Variants in TXNDC16 observed in about 807,000 individuals in gnomAD.
The protein encoded by TXNDC16 is thioredoxin domain containing 16, also known as thioredoxin domain-containing protein 16.
Under a neutral mutation model 85.6 loss-of-function variants are expected in TXNDC16, and 74 were observed. The observed-to-expected ratio is 0.86, with a 90% confidence interval of 0.72 to 1.05. The LOEUF is 1.05. TXNDC16 is among the 50% of genes least tolerant of loss of function. The probability of loss-of-function intolerance (pLI) is 0.00; values close to 1 mark genes in which losing one functional copy is unlikely to be tolerated. For missense variants in TXNDC16, 959 were observed against 947.0 expected (o/e 1.01, Z -0.17); for synonymous variants, 335 against 326.5 (o/e 1.03, Z -0.28).
intron 14 of TXNDC16, among the ~76,000 whole-genome samples, chr14:52,479,526 A>G (rs1470635650): frequency 2.0e-5 from 3 of 152,072 alleles, no homozygotes; most frequent in African/African-American, 7.2e-5. Context: ...ACAGCGACCA[A>G]GCTGAGAATC....
At chr14:52,512,986 G>A (rs886319427) in intron 8 of TXNDC16, among the ~76,000 whole-genome samples, 2 of 152,094 alleles carry the variant, frequency 1.3e-5, no homozygotes, top group Admixed American at 6.6e-5. Context: ...TAAGCCAGTG[G>A]ACTGGCGGGC....
intron 9 of TXNDC16, among the ~76,000 whole-genome samples, chr14:52,502,489 T>A (rs916408255): frequency 6.6e-6 from 1 of 152,238 alleles, no homozygotes; most frequent in African/African-American, 2.4e-5. Context: ...ATGCCCTTAA[T>A]TTTTTGCCAT....
chr14:52,451,660 A>G (rs112631215), intron 18 of TXNDC16, among the ~76,000 whole-genome samples: 3 of 152,274 alleles, frequency 2.0e-5, no homozygotes, highest in African/African-American at 7.2e-5. Context: ...TCATTAAAAA[A>G]ACCCTCAAAA....
intron 18 of TXNDC16, among the ~76,000 whole-genome samples, chr14:52,445,742 A>G (rs1004251483): frequency 6.6e-6 from 1 of 152,234 alleles, no homozygotes; most frequent in Admixed American, 6.5e-5. Flanking sequence ...TACAGTATTT[A>G]GTAAAGTAAC....
intron 4 of TXNDC16, among the ~76,000 whole-genome samples, chr14:52,541,537 A>T (rs1346661351): frequency 6.6e-6 from 1 of 152,234 alleles, no homozygotes; most frequent in Non-Finnish European, 1.5e-5. Context: ...CATTTAAAAA[A>T]TAGATATTTT....
At chr14:52,460,557 T>C (rs1216379753) in intron 16 of TXNDC16, among the ~76,000 whole-genome samples, 1 of 152,198 alleles carries the variant, frequency 6.6e-6, no homozygotes, top group African/African-American at 2.4e-5. Context: ...TCTGTAACAT[T>C]TGAAAGTTAC....
intron 6 of TXNDC16, among the ~76,000 whole-genome samples, chr14:52,536,288 A>C (rs771607988): frequency 6.6e-6 from 1 of 152,146 alleles, no homozygotes; most frequent in Non-Finnish European, 1.5e-5. Flanking sequence ...CCCAACACCA[A>C]ATCTGCCAGT....
intron 10 of TXNDC16, 42 bp downstream of exon 10, chr14:52,490,797 A>G (rs1296054349): frequency 1.3e-6 from 2 of 1,571,678 alleles, no homozygotes; most frequent in East Asian, 4.5e-5. Flanking sequence ...GGAAACTATT[A>G]GCGTTTTGCT....
chr14:52,532,676 T>A lies in TXNDC16; in HGVS notation c.392+4043A>T, dbSNP rs541069994. Among the ~76,000 whole-genome samples, 9 of 152,196 alleles carry A rather than the reference T, an allele frequency of 5.9e-5. No homozygotes were observed. The South Asian group carries it at 1.9e-3, about 32-fold the overall frequency. ...TGGTCTCAATCTCCTGACCTCGTGATCTGCCCACCTCGGCCTCCCAAAGTG... is the reference window on the plus strand; with the variant it reads ...TGGTCTCAATCTCCTGACCTCGTGAACTGCCCACCTCGGCCTCCCAAAGTG... On this transcript the variant is annotated intron_variant, in intron 6 of 20. Transcript: ENST00000281741.
intron 9 of TXNDC16, among the ~76,000 whole-genome samples, chr14:52,506,625 C>T (rs1449766132): frequency 1.5e-5 from 2 of 133,482 alleles, no homozygotes; most frequent in Admixed American, 7.9e-5. Context: ...GGCGCAATCT[C>T]GGCTCACTGC....
intron 7 of TXNDC16, among the ~76,000 whole-genome samples, chr14:52,516,598 C>T (rs1438260461): frequency 1.3e-5 from 2 of 152,172 alleles, no homozygotes; most frequent in African/African-American, 2.4e-5. Flanking sequence ...TATGCTGGGA[C>T]TCAATGGGTC....
chr14:52,490,786 T>A (rs1448303155), intron 10 of TXNDC16, 53 bp downstream of exon 10: 5 of 1,551,622 alleles, frequency 3.2e-6, no homozygotes, highest in Non-Finnish European at 2.6e-6. Flanking sequence ...TTTTAAAACG[T>A]GGAAACTATT....
At chr14:52,465,678 T>C (rs1176348150) in intron 16 of TXNDC16, among the ~76,000 whole-genome samples, 1 of 147,968 alleles carries the variant, frequency 6.8e-6, no homozygotes. Context: ...TTCCCAGAAA[T>C]ACTATCGGTC....
At position 52,491,013 on chromosome 14, in the gene TXNDC16, GAA is replaced by G. The variant is rs369712294; in HGVS notation, c.757-10_757-9del. On this transcript the variant is annotated splice_polypyrimidine_tract_variant and intron_variant, in intron 9 of 20. Transcript: ENST00000281741. Reference sequence around the variant, plus strand: ...ATCTTCAGCAACTTCAGTCTTCATTGAAAAAAAAAAAAAAAAAAGGTGTGATA... The same window carrying G: ...ATCTTCAGCAACTTCAGTCTTCATTGAAAAAAAAAAAAAAAAGGTGTGATA... The G allele has an allele frequency of 0.045, 50,695 of 1,124,690 alleles. 4 individuals carry two copies. The highest frequency in any genetic ancestry group is 0.087 in the East Asian group (2,527 of 29,044). 69.7% of individuals were successfully genotyped at this position (1,124,690 alleles called of 1,614,324 possible).
At chr14:52,470,714 T>A in intron 14 of TXNDC16, 34 bp from the exon 15 acceptor site, 1 of 1,557,554 alleles carries the variant, frequency 6.4e-7, no homozygotes, top group South Asian at 1.2e-5. Context: ...TTGTAATTAC[T>A]AATTGTAGAA....
intron 14 of TXNDC16, among the ~76,000 whole-genome samples, chr14:52,477,115 A>G (rs972087650): frequency 6.6e-6 from 1 of 152,190 alleles, no homozygotes; most frequent in Non-Finnish European, 1.5e-5. Flanking sequence ...TTTTTCAGAC[A>G]AACAAATGCT....
At chr14:52,480,291 A>G (rs1246728149) in intron 14 of TXNDC16, among the ~76,000 whole-genome samples, 1 of 152,174 alleles carries the variant, frequency 6.6e-6, no homozygotes, top group Admixed American at 6.6e-5. Context: ...ACCCAAAAGC[A>G]AACACAATAA....
At position 52,536,739 on chromosome 14, in the gene TXNDC16, G is replaced by A; in HGVS notation, c.372C>T (p.Ala124=). 1 of 1,611,342 alleles carries A rather than the reference G, an allele frequency of 6.2e-7. No homozygotes were observed. The highest frequency in any genetic ancestry group is 8.5e-7 in the Non-Finnish European group (1 of 1,178,422). ...FPTDTLFDVN[A]IVAHVLFALL... Reference sequence around the variant, plus strand: ...CTTACAAGAGAACATGGGCGACAATGGCATTCACATCAAACAAGGTGTCAG... The same window carrying A: ...CTTACAAGAGAACATGGGCGACAATAGCATTCACATCAAACAAGGTGTCAG... Residue 124 remains alanine, a synonymous_variant, in exon 6 of 21, where the codon GCC becomes GCT. Coordinates refer to ENST00000281741, the MANE Select transcript of TXNDC16 (RefSeq NM_020784.3).
intron 6 of TXNDC16, among the ~76,000 whole-genome samples, chr14:52,530,389 AT>A (rs1413171936): frequency 1.2e-4 from 2 of 17,150 alleles, no homozygotes; most frequent in Admixed American, 2.3e-3. Context: ...TATATATAAT[AT>A]TATAATATAA....
Sources: allele counts gnomAD v4.1 joint callset (sites outside exome capture counted in the v4.1 genomes callset), GRCh38; gene constraint gnomAD v4.1.1; transcripts MANE v1.5; gene names NCBI Gene and HGNC (gene_info 2026-07-23, HGNC 2026-07-21).